Variants in PDE12 observed in about 807,000 individuals in gnomAD.
PDE12 encodes 2',5'-phosphodiesterase 12.
Under a neutral mutation model 45.4 loss-of-function variants are expected in PDE12, and 26 were observed. The ratio of observed to expected loss-of-function variants is 0.57; its 90% CI spans 0.42 to 0.79. The LOEUF (loss-of-function observed/expected upper bound fraction) is 0.79, where lower values mean the gene tolerates loss of function less well. Among genes scored for constraint, PDE12 ranks in the 30% least tolerant of loss-of-function variants. The probability of loss-of-function intolerance (pLI) is 0.00; values close to 1 mark genes in which losing one functional copy is unlikely to be tolerated. For missense variants in PDE12, 668 were observed against 790.0 expected, an observed-to-expected ratio of 0.85 and a Z score of 1.85; for synonymous variants, 283 against 323.9, an observed-to-expected ratio of 0.87 and a Z score of 1.36.
the PDE12 span, chr3:57,634,519 A>G: frequency 8.5e-7 from 1 of 1,178,512 alleles, no homozygotes; most frequent in Non-Finnish European, 1.2e-6. Flanking sequence ...ACATACCTGA[A>G]CAAGGAAATT....
chr3:57,610,143 A>T, the PDE12 span, among the ~76,000 whole-genome samples: 2 of 152,188 alleles, frequency 1.3e-5, no homozygotes, highest in Admixed American at 6.5e-5. Context: ...CCACATGATT[A>T]TCTCAATAGA....
chr3:57,556,281 C>T lies in PDE12; in HGVS notation c.-99C>T. ...CTTCGCTAGCCGGAAGTCGCGAGAT[C>T]TGAATGAGTCAAAGCCGGCGGCCTC... is the stretch of plus-strand genomic sequence containing the variant. On this transcript the variant is annotated 5_prime_UTR_variant, in exon 1 of 3. Transcript: ENST00000311180. This position sits in a 1 kb window ranked among gnomAD's most constrained non-coding sequence, Gnocchi z 5.0. 7.9e-7 allele frequency: 1 copy of T among 1,273,096 alleles called. No homozygotes were observed. Among genetic ancestry groups the T allele is most frequent in the Non-Finnish European group, 1.1e-6 (1 of 948,184 alleles). The allele number at this position is 1,273,096 out of a possible 1,614,324, so 78.9% of individuals were successfully genotyped here. A position where few individuals can be genotyped will look rare whatever the true frequency, so the allele number is the denominator to read the frequency against.
At chr3:57,644,554 C>T in the PDE12 span, among the ~76,000 whole-genome samples, 3,633 of 150,456 alleles carry the variant, frequency 0.024, 69 homozygotes, top group Non-Finnish European at 0.035. Flanking sequence ...GTGATCTGCC[C>T]GCCTCAGCCT....
the PDE12 span, among the ~76,000 whole-genome samples, chr3:57,607,476 A>C: frequency 6.6e-6 from 1 of 152,162 alleles, no homozygotes; most frequent in African/African-American, 2.4e-5. Flanking sequence ...CCACGCAAAG[A>C]AGTAAAAAAC....
the PDE12 span, among the ~76,000 whole-genome samples, chr3:57,636,936 CAAAAAAAAAAAAA>C: frequency 1.9e-5 from 1 of 52,006 alleles, no homozygotes; most frequent in African/African-American, 6.9e-5. Context: ...GACTCTGTCT[CAAAAAAAAAAAAA>C]AAAAAAAAAA....
Position 57,556,594 on chromosome 3 carries a change from G to T in PDE12, c.215G>T (p.Gly72Val). Residue 72 changes from glycine (G) to valine (V), a missense_variant, in exon 1 of 3, where the codon GGT becomes GTT. Physicochemically the swap from Gly to Val is moderately radical, Grantham distance 109. Around this residue, in one of 3 missense-constraint regions of PDE12, gnomAD observed 580 missense variants for 662.9 expected, o/e 0.87. Coordinates refer to ENST00000311180, the MANE Select transcript of PDE12 (RefSeq NM_177966.7). The surrounding 1 kb of genome is among the most constrained non-coding windows in gnomAD (Gnocchi z 5.0). ...NMQRDQSEPL[G>V]RVLSRIATNA... Reference sequence around the variant, plus strand: ...CAGCGCGACCAGAGCGAGCCGCTGGGTCGAGTCCTCAGCCGCATCGCTACC... The same window carrying T: ...CAGCGCGACCAGAGCGAGCCGCTGGTTCGAGTCCTCAGCCGCATCGCTACC... The T allele has an allele frequency of 6.2e-7, 1 of 1,612,992 alleles. No homozygotes were observed. The highest frequency in any genetic ancestry group is 8.5e-7 in the Non-Finnish European group (1 of 1,179,662).
the PDE12 span, among the ~76,000 whole-genome samples, chr3:57,578,915 TAAAAAAGA>T: frequency 6.6e-6 from 1 of 151,208 alleles, no homozygotes; most frequent in East Asian, 1.9e-4. Flanking sequence ...ATAAAAATAA[TAAAAAAGA>T]AAAAAAGATA....
In PDE12 at chr3:57,557,339, C is replaced by A. The variant is rs749818999; in HGVS notation, c.960C>A (p.Tyr320Ter). Reference protein sequence around the residue: ...TEFSRTVLYPYCAPYALELDY... With the variant: ...TEFSRTVLYP ...TCTCGCGAACGGTTCTGTACCCATA[C>A]TGTGCCCCCTACGCCCTGGAGCTCG... The change falls in exon 1 of 3, where the codon TAC becomes TAA. Residue 320 changes from tyrosine (Y) to a stop codon, truncating the protein, a stop_gained. Coordinates refer to ENST00000311180, the MANE Select transcript of PDE12 (RefSeq NM_177966.7). LOFTEE classifies it high-confidence loss of function. 6.2e-7 allele frequency: 1 copy of A among 1,613,866 alleles called. No individual in the cohort carries two copies. Among genetic ancestry groups the A allele is most frequent in the African/African-American group, 1.3e-5 (1 of 74,904 alleles).
At chr3:57,610,320 G>A in the PDE12 span, among the ~76,000 whole-genome samples, 1 of 152,068 alleles carries the variant, frequency 6.6e-6, no homozygotes, top group African/African-American at 2.4e-5. Context: ...TTTGAAAACT[G>A]GCACAAGACG....
At chr3:57,584,242 C>A in the PDE12 span, 4 of 870,588 alleles carry the variant, frequency 4.6e-6, no homozygotes, top group African/African-American at 6.8e-5. Context: ...GGATTACAGG[C>A]ATGAGCCACC....
the PDE12 span, among the ~76,000 whole-genome samples, chr3:57,614,840 A>G: frequency 6.6e-6 from 1 of 151,732 alleles, no homozygotes; most frequent in African/African-American, 2.4e-5. Context: ...GAAAAATACA[A>G]AAATTAGTCG....
the PDE12 span, among the ~76,000 whole-genome samples, chr3:57,640,268 C>T: frequency 2.1e-5 from 2 of 97,212 alleles, no homozygotes; most frequent in Non-Finnish European, 4.3e-5. Context: ...GACTCTGTCT[C>T]AAAAAAAAAA....
chr3:57,590,296 C>T, the PDE12 span, among the ~76,000 whole-genome samples: 1 of 151,096 alleles, frequency 6.6e-6, no homozygotes, highest in Admixed American at 6.6e-5. Flanking sequence ...ACCAGCCTGG[C>T]CAAGATGGTG....
the PDE12 span, among the ~76,000 whole-genome samples, chr3:57,635,370 A>G: frequency 5.9e-5 from 9 of 152,168 alleles, no homozygotes; most frequent in Admixed American, 1.3e-4. Context: ...TAGCTTGTGT[A>G]GTATATGCAG....
At chr3:57,650,463 C>T in the PDE12 span, among the ~76,000 whole-genome samples, 7 of 151,974 alleles carry the variant, frequency 4.6e-5, no homozygotes, top group Non-Finnish European at 1.5e-5. Flanking sequence ...CACACACACA[C>T]ATCCTAGCTT....
the PDE12 span, among the ~76,000 whole-genome samples, chr3:57,602,824 G>T: frequency 1.3e-5 from 2 of 152,070 alleles, no homozygotes; most frequent in African/African-American, 4.8e-5. Flanking sequence ...ACCCGCCTCG[G>T]TCTCCCAGAG....
At chr3:57,579,681 C>T in the PDE12 span, among the ~76,000 whole-genome samples, 5 of 152,170 alleles carry the variant, frequency 3.3e-5, no homozygotes, top group African/African-American at 1.2e-4. Context: ...CATTAAATGA[C>T]AATTTCCTTT....
the PDE12 span, chr3:57,572,004 T>C: frequency 1.5e-5 from 7 of 482,188 alleles, no homozygotes; most frequent in South Asian, 2.4e-4. Context: ...AGGATACTTT[T>C]TTCCCAAGGA....
the PDE12 span, chr3:57,575,569 A>G: frequency 1.9e-6 from 3 of 1,613,178 alleles, no homozygotes; most frequent in Non-Finnish European, 2.5e-6. Flanking sequence ...GAAGAGACTG[A>G]AGCCCTAGTT....
Sources: gnomAD v4.1 joint callset for allele counts (sites outside exome capture counted in the v4.1 genomes callset) on GRCh38, gnomAD v4.1.1 for gene constraint, gnomAD v4.1.1 regional missense constraint, Gnocchi (gnomAD v3.1) non-coding constraint, MANE v1.5 for transcripts, NCBI Gene and HGNC (gene_info 2026-07-23, HGNC 2026-07-21) for gene names.